COX10: variants seen among roughly 807,000 people sequenced by gnomAD.
COX10 encodes protoheme IX farnesyltransferase, mitochondrial.
A neutral mutation model predicts 37.3 loss-of-function variants in COX10; 27 were observed. That is an observed-to-expected ratio of 0.72 (90% CI 0.53 to 1.00). COX10 has a LOEUF of 1.00. Ranked by LOEUF, COX10 falls within the 50% of genes least tolerant of loss-of-function variation. The pLI, the probability that COX10 is intolerant of heterozygous loss-of-function variation, is 0.00. For synonymous variants in COX10, 222 were observed against 229.1 expected (o/e 0.97, Z 0.28); for missense variants, 475 against 563.2 (o/e 0.84, Z 1.59).
At chr17:14,166,785 C>CTTTTTTTT (rs57127092) in intron 5 of COX10, among the ~76,000 whole-genome samples, 2,937 of 99,790 alleles carry the variant, frequency 0.029, 1 homozygote, top group Non-Finnish European at 0.04. Context: ...CTATTTCTTT[C>CTTTTTTTT]TTTTTTTTTT....
At chr17:14,190,891 G>T (rs1295022773) in intron 5 of COX10, among the ~76,000 whole-genome samples, 1 of 152,078 alleles carries the variant, frequency 6.6e-6, no homozygotes, top group Non-Finnish European at 1.5e-5. Context: ...TGCACATAGG[G>T]TAAAGTCTGC....
At chr17:14,194,192 G>A (rs948884753) in intron 6 of COX10, among the ~76,000 whole-genome samples, 5 of 151,976 alleles carry the variant, frequency 3.3e-5, no homozygotes, top group African/African-American at 1.2e-4. Context: ...CACCACTGTT[G>A]TGCAGTGTTG....
chr17:14,175,917 C>T (rs1465827886), intron 5 of COX10, among the ~76,000 whole-genome samples: 1 of 151,790 alleles, frequency 6.6e-6, no homozygotes, highest in South Asian at 2.1e-4. Flanking sequence ...ACATAATGAA[C>T]AAGGGGCAGG....
intron 4 of COX10, among the ~76,000 whole-genome samples, chr17:14,123,488 T>C (rs1019831825): frequency 5.9e-5 from 9 of 152,144 alleles, no homozygotes; most frequent in Non-Finnish European, 1.3e-4. Context: ...AATTCAGAAT[T>C]TTTTTCCAGC....
At chr17:14,202,065 A>G (rs1164050643) in intron 6 of COX10, among the ~76,000 whole-genome samples, 1 of 146,664 alleles carries the variant, frequency 6.8e-6, no homozygotes. Context: ...TCTAGTTGAT[A>G]GTTTTGTCAT....
chr17:14,115,473 T>A (rs1026574183), intron 4 of COX10, among the ~76,000 whole-genome samples: 1 of 151,930 alleles, frequency 6.6e-6, no homozygotes, highest in Non-Finnish European at 1.5e-5. Flanking sequence ...AATATGGAGA[T>A]CTCTCAAAGA....
At chr17:14,119,391 A>C (rs151279938) in intron 4 of COX10, among the ~76,000 whole-genome samples, 17 of 152,280 alleles carry the variant, frequency 1.1e-4, no homozygotes, top group African/African-American at 4.1e-4. Context: ...TATGTCTTCA[A>C]CTGAGCATCT....
At chr17:14,081,155 CT>C (rs1486327825) in intron 3 of COX10, among the ~76,000 whole-genome samples, 1 of 152,166 alleles carries the variant, frequency 6.6e-6, no homozygotes, top group Non-Finnish European at 1.5e-5. Context: ...CAACAGAAAC[CT>C]TGTGGCCTGG....
Position 14,076,815 on chromosome 17 carries a change from A to C in COX10, c.258A>C (p.Lys86Asn), listed in dbSNP as rs1915163852. Reference protein sequence around the residue: ...PEPVASPFLEKTSSGQAKAEI... With the variant: ...PEPVASPFLENTSSGQAKAEI... ...CAGTAGCATCTCCTTTCCTTGAAAA[A>C]ACATCTTCAGGTCAAGCCAAAGCAG... The change falls in exon 3 of 7, where the codon AAA becomes AAC. Residue 86 changes from lysine (K) to asparagine (N), a missense_variant. Coordinates refer to ENST00000261643, the MANE Select transcript of COX10 (RefSeq NM_001303.4). 3.1e-6 allele frequency: 5 copies of C among 1,614,164 alleles called. No homozygotes were observed. The highest frequency in any genetic ancestry group is 1.6e-4 in the Middle Eastern group (1 of 6,062).
intron 4 of COX10, among the ~76,000 whole-genome samples, chr17:14,124,359 A>G (rs757000750): frequency 5.3e-5 from 8 of 152,216 alleles, no homozygotes; most frequent in Non-Finnish European, 1.2e-4. Context: ...AAGCAGAGCC[A>G]TATCCTAAGC....
chr17:14,084,451 A>G (rs189772047), intron 3 of COX10, among the ~76,000 whole-genome samples: 1 of 152,298 alleles, frequency 6.6e-6, no homozygotes, highest in Non-Finnish European at 1.5e-5. Flanking sequence ...AATTTTTTCT[A>G]TGCATCTCAT....
At chr17:14,113,494 T>G (rs1567594147) in intron 4 of COX10, among the ~76,000 whole-genome samples, 1 of 152,164 alleles carries the variant, frequency 6.6e-6, no homozygotes, top group African/African-American at 2.4e-5. Flanking sequence ...TCTTCTCAAG[T>G]AAGTAATAGA....
At chr17:14,150,834 C>A (rs578208047) in intron 4 of COX10, among the ~76,000 whole-genome samples, 1 of 152,286 alleles carries the variant, frequency 6.6e-6, no homozygotes, top group African/African-American at 2.4e-5. Flanking sequence ...ATTAGCTTGA[C>A]CTGGACAGCT....
intron 6 of COX10, among the ~76,000 whole-genome samples, chr17:14,205,233 C>A (rs1307887808): frequency 6.6e-6 from 1 of 152,092 alleles, no homozygotes; most frequent in Non-Finnish European, 1.5e-5. Flanking sequence ...TTTACACCGC[C>A]CACACCTCAA....
At chr17:14,127,229 A>T (rs989621641) in intron 4 of COX10, among the ~76,000 whole-genome samples, 16 of 152,166 alleles carry the variant, frequency 1.1e-4, no homozygotes, top group African/African-American at 2.2e-4. Context: ...GTATATTTTT[A>T]AAAAATTGAT....
At chr17:14,157,166 C>T (rs991779727) in intron 4 of COX10, among the ~76,000 whole-genome samples, 27 of 152,258 alleles carry the variant, frequency 1.8e-4, no homozygotes, top group African/African-American at 6.0e-4. Context: ...GTGGCTTGTG[C>T]GCCTTAAAAA....
At chr17:14,186,289 T>C (rs1453808586) in intron 5 of COX10, among the ~76,000 whole-genome samples, 2 of 151,918 alleles carry the variant, frequency 1.3e-5, no homozygotes, top group Non-Finnish European at 1.5e-5. Context: ...GCCTTCCTAA[T>C]TTCTGTGCTC....
intron 4 of COX10, among the ~76,000 whole-genome samples, chr17:14,133,333 A>G (rs572208782): frequency 1.8e-4 from 28 of 151,772 alleles, no homozygotes; most frequent in African/African-American, 6.7e-4. Context: ...TATTACACCA[A>G]TTTGGACTAA....
Position 14,145,467 on chromosome 17 carries a change from A to G in COX10, c.625-14410A>G, listed in dbSNP as rs990931092. ...AATGCTGTGATGGGTCTTGACAGCC[A>G]TGGGGTAGAGTGAGTGAAGACCTGA... On this transcript the variant is annotated intron_variant, in intron 4 of 6. Transcript: ENST00000261643. Among the ~76,000 whole-genome samples the G allele has an allele frequency of 3.9e-4, 59 of 152,136 alleles. 1 individual carries two copies. The highest frequency in any genetic ancestry group is 3.8e-3 in the Admixed American group (58 of 15,262).
Sources: gnomAD v4.1 joint callset for allele counts (sites outside exome capture counted in the v4.1 genomes callset) on GRCh38, gnomAD v4.1.1 for gene constraint, MANE v1.5 for transcripts, NCBI Gene and HGNC (gene_info 2026-07-23, HGNC 2026-07-21) for gene names.